The following FABP6 variants were observed in gnomAD, a reference collection of about 807,000 sequenced individuals.
FABP6 encodes gastrotropin.
In FABP6, 13 loss-of-function variants were observed where a neutral mutation model predicts 14.9. The observed-to-expected ratio is 0.87, with a 90% CI of 0.57 to 1.39. The LOEUF is 1.39. Ranked by LOEUF, FABP6 falls within the 40% of genes most tolerant of loss-of-function variation. The pLI, the probability that FABP6 is intolerant of heterozygous loss-of-function variation, is 0.00. For missense variants in FABP6, 161 were observed against 167.2 expected, an observed-to-expected ratio of 0.96 and a Z score of 0.20; for synonymous variants, 75 against 63.6, an observed-to-expected ratio of 1.18 and a Z score of -0.85.
At chr5:160,235,322 G>A (rs1195646365) in intron 3 of FABP6, among the ~76,000 whole-genome samples, 3 of 152,138 alleles carry the variant, frequency 2.0e-5, no homozygotes, top group African/African-American at 4.8e-5. Flanking sequence ...TTTTCCATGA[G>A]GGACATCAGG....
chr5:160,233,331 T>G lies in FABP6; in HGVS notation c.243+1058T>G, dbSNP rs1272884212. Among the ~76,000 whole-genome samples, 3 of 151,676 alleles carry G rather than the reference T, an allele frequency of 2.0e-5. No homozygotes were observed. The East Asian group carries it at 5.9e-4, about 30-fold the overall frequency. On this transcript the variant is annotated intron_variant, in intron 2 of 3. Coordinates refer to ENST00000402432, the MANE Select transcript of FABP6 (RefSeq NM_001445.3). ...CTGTGTAGCACAGAGATAAAGACAC[T>G]GGGCCCTGGAGTGAGCCTTGGCTGG...
chr5:160,187,623 A>G (rs753823573), intron 1 of FABP6, among the ~76,000 whole-genome samples: 3 of 152,104 alleles, frequency 2.0e-5, no homozygotes, highest in Non-Finnish European at 4.4e-5. Flanking sequence ...ACAAGGGTGC[A>G]GGTGATGGAA....
In FABP6 at chr5:160,237,841, T is replaced by C. The variant is rs144043697; in HGVS notation, c.334-765T>C. Among the ~76,000 whole-genome samples, 122 of 152,330 alleles carry C rather than the reference T, an allele frequency of 8.0e-4. No individual in the cohort carries two copies. In the East Asian group the frequency reaches 0.014, roughly 18 times the overall value. On this transcript the variant is annotated intron_variant, in intron 3 of 3. Coordinates refer to ENST00000402432, the MANE Select transcript of FABP6 (RefSeq NM_001445.3). ...TCTGTGCCATGTGCTTCCTCTGCTC[T>C]GAATTCCCTTTCTCCTGTTTGCTTT...
intron 1 of FABP6, among the ~76,000 whole-genome samples, chr5:160,230,693 C>G (rs995499892): frequency 2.1e-4 from 32 of 152,208 alleles, no homozygotes; most frequent in Middle Eastern, 3.4e-3. Context: ...CAGCTATATG[C>G]AAGGCTATCT....
At position 160,238,617 on chromosome 5, in the gene FABP6, C is replaced by CG. The variant is rs766272409; in HGVS notation, c.347dup (p.Gly117ArgfsTer5). The CG allele has an allele frequency of 1.2e-6, 2 of 1,613,980 alleles. No homozygotes were observed. The highest frequency in any genetic ancestry group is 1.7e-6 in the Non-Finnish European group (2 of 1,179,874). On this transcript the variant is annotated frameshift_variant, in exon 4 of 4. Transcript: ENST00000402432. LOFTEE classifies it high-confidence loss of function. ...GCTGCTTCTTTCAGGTCTCCACCAT[C>CG]GGAGGCGTGACCTATGAGCGCGTGA...
At chr5:160,228,481 C>G (rs115787132), upstream of FABP6, 1,750 of 456,290 alleles carry the variant, frequency 3.8e-3, 23 homozygotes, top group African/African-American at 0.031. Flanking sequence ...AGAGGACATT[C>G]TCACAAGATG....
At chr5:160,228,571 C>G (rs1375056469), upstream of FABP6, 5 of 455,922 alleles carry the variant, frequency 1.1e-5, no homozygotes, top group African/African-American at 1.0e-4. Context: ...AAATGGAAGT[C>G]AAGATTCTGA....
At chr5:160,211,304 AC>A (rs759972847) in intron 2 of FABP6, among the ~76,000 whole-genome samples, 2 of 150,450 alleles carry the variant, frequency 1.3e-5, no homozygotes. Context: ...GGCCTCACCC[AC>A]CCCCAGAGGG....
intron 1 of FABP6, among the ~76,000 whole-genome samples, chr5:160,193,429 G>A (rs1053960607): frequency 1.3e-5 from 2 of 152,108 alleles, no homozygotes; most frequent in African/African-American, 2.4e-5. Flanking sequence ...CAGTGTGGAA[G>A]GGGACCCGAG....
intron 2 of FABP6, among the ~76,000 whole-genome samples, chr5:160,234,215 C>A (rs188333946): frequency 6.7e-4 from 102 of 152,262 alleles, no homozygotes; most frequent in African/African-American, 2.3e-3. Flanking sequence ...CTCACCATAA[C>A]CTTTGCTTTG....
intron 1 of FABP6, among the ~76,000 whole-genome samples, chr5:160,194,862 T>C (rs1396098025): frequency 1.3e-5 from 2 of 152,202 alleles, no homozygotes; most frequent in Non-Finnish European, 2.9e-5. Flanking sequence ...TCAGTCTATT[T>C]GTTCCCGGAA....
At chr5:160,229,300 G>A (rs1760315890), upstream of FABP6, 12 of 608,972 alleles carry the variant, frequency 2.0e-5, no homozygotes, top group East Asian at 7.0e-5. Flanking sequence ...CCTCAAACCC[G>A]TTGCCATCCT....
At chr5:160,224,494 G>C (rs1760200529) in intron 3 of FABP6, among the ~76,000 whole-genome samples, 1 of 152,148 alleles carries the variant, frequency 6.6e-6, no homozygotes, top group Admixed American at 6.6e-5. Flanking sequence ...AGGAGGAGTA[G>C]CACATCTTTC....
intron 1 of FABP6, among the ~76,000 whole-genome samples, chr5:160,196,150 C>A (rs55822209): frequency 0.17 from 26,096 of 152,238 alleles, 2,262 homozygotes; most frequent in Middle Eastern, 0.2. Context: ...TGTCAAAGCA[C>A]CAAGATGCCA....
At chr5:160,236,214 C>T (rs1354615313) in intron 3 of FABP6, among the ~76,000 whole-genome samples, 2 of 151,948 alleles carry the variant, frequency 1.3e-5, no homozygotes, top group Non-Finnish European at 2.9e-5. Flanking sequence ...CAGGGTTTCA[C>T]CATGTTGGCC....
chr5:160,198,161 C>CCCTGGGGA (rs1192656772), intron 1 of FABP6: 1 of 152,056 alleles, frequency 6.6e-6, no homozygotes, highest in East Asian at 1.9e-4. Flanking sequence ...CAAGATATAG[C>CCCTGGGGA]CCTGGGGACC....
chr5:160,202,121 A>G (rs1759654331), intron 2 of FABP6, among the ~76,000 whole-genome samples: 1 of 115,014 alleles, frequency 8.7e-6, no homozygotes, highest in Non-Finnish European at 1.9e-5. Flanking sequence ...CTTGGGTGGA[A>G]GCAGGGATTT....
intron 2 of FABP6, among the ~76,000 whole-genome samples, chr5:160,206,646 G>A (rs934538311): frequency 6.6e-6 from 1 of 152,116 alleles, no homozygotes; most frequent in Non-Finnish European, 1.5e-5. Context: ...CACACATACT[G>A]GTTACATCGA....
intron 3 of FABP6, among the ~76,000 whole-genome samples, chr5:160,236,200 G>A (rs530422863): frequency 1.3e-5 from 2 of 152,088 alleles, no homozygotes; most frequent in African/African-American, 4.8e-5. Flanking sequence ...ATTTTTAGTA[G>A]AGACAGGGTT....
Sources: gnomAD v4.1 joint callset for allele counts (sites outside exome capture counted in the v4.1 genomes callset) on GRCh38, gnomAD v4.1.1 for gene constraint, MANE v1.5 for transcripts, NCBI Gene and HGNC (gene_info 2026-07-23, HGNC 2026-07-21) for gene names.